TMEFF2: variants seen among roughly 807,000 people sequenced by gnomAD.
The protein encoded by TMEFF2 is transmembrane protein with EGF like and two follistatin like domains 2.
Under a neutral mutation model 53.8 loss-of-function variants are expected in TMEFF2, and 28 were observed. That is an observed-to-expected ratio of 0.52 (90% CI 0.39 to 0.71). The LOEUF (loss-of-function observed/expected upper bound fraction) is 0.71. TMEFF2 is among the 30% of genes least tolerant of loss of function. TMEFF2 has a pLI of 0.00. For synonymous variants in TMEFF2, 162 were observed against 166.3 expected (o/e 0.97, Z 0.20); for missense variants, 353 against 455.2 (o/e 0.78, Z 2.04).
At chr2:192,179,539 T>C (rs1405829381) in intron 4 of TMEFF2, 129 bp downstream of exon 4, 11 of 980,232 alleles carry the variant, frequency 1.1e-5, no homozygotes, top group African/African-American at 5.2e-5. Context: ...CAATTTTTTA[T>C]GGTTTCACCT....
At chr2:191,964,096 C>T (rs1692345644) in intron 7 of TMEFF2, among the ~76,000 whole-genome samples, 1 of 152,104 alleles carries the variant, frequency 6.6e-6, no homozygotes, top group Admixed American at 6.6e-5. Context: ...TACACGACAA[C>T]ATCTGGCCTT....
rs1305136324 is a variant in TMEFF2, at chr2:192,021,084, C to T, written c.537-21876G>A. ...ATTAAAAAGTTTAAGAATACCTAGT[C>T]CTCCCTTACATCTTAAAGAGAGACT... On this transcript the variant is annotated intron_variant, in intron 5 of 9. Coordinates refer to ENST00000272771, the MANE Select transcript of TMEFF2 (RefSeq NM_016192.4). 2.0e-5 allele frequency among the ~76,000 whole-genome samples: 3 copies of T among 152,134 alleles called. No homozygotes were observed. In the East Asian group the frequency reaches 5.8e-4, roughly 29 times the overall value.
chr2:192,076,316 T>C (rs2105921264), intron 4 of TMEFF2, among the ~76,000 whole-genome samples: 1 of 152,246 alleles, frequency 6.6e-6, no homozygotes, highest in South Asian at 2.1e-4. Flanking sequence ...TCCTTTCCTA[T>C]TATTAACAGA....
At chr2:191,970,219 T>C (rs914789043) in intron 7 of TMEFF2, among the ~76,000 whole-genome samples, 1 of 151,070 alleles carries the variant, frequency 6.6e-6, no homozygotes, top group African/African-American at 2.4e-5. Flanking sequence ...CCAGCATTAC[T>C]TTTTTTTTCT....
At chr2:192,175,212 T>G (rs769776801) in intron 4 of TMEFF2, among the ~76,000 whole-genome samples, 1 of 151,594 alleles carries the variant, frequency 6.6e-6, no homozygotes, top group African/African-American at 2.4e-5. Flanking sequence ...TATTATAAAA[T>G]CCACATTAGA....
intron 4 of TMEFF2, among the ~76,000 whole-genome samples, chr2:192,080,947 TTTTA>T (rs947034720): frequency 2.6e-4 from 39 of 152,244 alleles, no homozygotes; most frequent in African/African-American, 8.7e-4. Context: ...TCCTTTGTGC[TTTTA>T]TTTGTCGTTG....
At chr2:192,007,396 CTT>C (rs1473122069) in intron 5 of TMEFF2, among the ~76,000 whole-genome samples, 2 of 152,132 alleles carry the variant, frequency 1.3e-5, no homozygotes, top group East Asian at 3.8e-4. Context: ...CCTTAAGACT[CTT>C]TTGTTTAATG....
chr2:191,964,398 C>CTTTCTTTCCT (rs200251020), intron 7 of TMEFF2, among the ~76,000 whole-genome samples: 1 of 51,750 alleles, frequency 1.9e-5, no homozygotes, highest in East Asian at 8.8e-4. Flanking sequence ...TTCTTTCTTT[C>CTTTCTTTCCT]TCTTTCTTTC....
intron 5 of TMEFF2, among the ~76,000 whole-genome samples, chr2:192,005,931 T>C (rs1469516871): frequency 6.6e-6 from 1 of 152,042 alleles, no homozygotes; most frequent in Non-Finnish European, 1.5e-5. Context: ...CTGTGAGTTG[T>C]GAGAGAAAAT....
rs1040749918 is a variant in TMEFF2 at position 191,956,119 on chromosome 2, CAGG to C, written c.869+133_869+135del. 11 of 857,634 alleles carry C rather than the reference CAGG, an allele frequency of 1.3e-5. No homozygotes were observed. In the African/African-American group the frequency reaches 1.9e-4, roughly 15 times the overall value. 53.1% of individuals were successfully genotyped at this position (857,634 alleles called of 1,614,324 possible). A position where few individuals can be genotyped will look rare whatever the true frequency, so the allele number is the denominator to read the frequency against. ...ATGTGTGTATGTGTGTATGCATGCA[CAGG>C]AGGAGCAGAGAAAAGTTTTGTTGCT... On this transcript the variant is annotated intron_variant, in intron 8 of 9. Coordinates refer to ENST00000272771, the MANE Select transcript of TMEFF2 (RefSeq NM_016192.4).
At chr2:191,970,538 G>A (rs1483773874) in intron 7 of TMEFF2, among the ~76,000 whole-genome samples, 1 of 152,056 alleles carries the variant, frequency 6.6e-6, no homozygotes, top group Non-Finnish European at 1.5e-5. Flanking sequence ...ACCAAAAGCT[G>A]GAACAGCCCA....
intron 4 of TMEFF2, among the ~76,000 whole-genome samples, chr2:192,127,248 G>T (rs755247336): frequency 6.6e-6 from 1 of 152,128 alleles, no homozygotes; most frequent in Non-Finnish European, 1.5e-5. Flanking sequence ...TTGACCTATT[G>T]TTCATCAAGG....
At chr2:192,131,725 T>A (rs1213645581) in intron 4 of TMEFF2, among the ~76,000 whole-genome samples, 3 of 152,062 alleles carry the variant, frequency 2.0e-5, no homozygotes, top group African/African-American at 7.2e-5. Flanking sequence ...CTCCTCCTTC[T>A]CCCTTAGCCT....
chr2:192,103,507 C>A (rs1689080450), intron 4 of TMEFF2, among the ~76,000 whole-genome samples: 1 of 152,112 alleles, frequency 6.6e-6, no homozygotes, highest in African/African-American at 2.4e-5. Context: ...TTTAGTTCAA[C>A]TAGGACTTGG....
chr2:192,153,520 G>A (rs887178957), intron 4 of TMEFF2, among the ~76,000 whole-genome samples: 2 of 151,822 alleles, frequency 1.3e-5, no homozygotes, highest in Admixed American at 1.3e-4. Context: ...TACCCTGTTT[G>A]TGATAGAGCA....
At chr2:191,981,794 C>T (rs888714325) in intron 7 of TMEFF2, among the ~76,000 whole-genome samples, 52 of 152,220 alleles carry the variant, frequency 3.4e-4, no homozygotes, top group Middle Eastern at 3.4e-3. Context: ...TATCAATCCT[C>T]ATAAGGAAAT....
intron 2 of TMEFF2, among the ~76,000 whole-genome samples, chr2:192,190,972 T>C (rs987422726): frequency 8.5e-5 from 13 of 152,166 alleles, no homozygotes; most frequent in African/African-American, 2.9e-4. Flanking sequence ...TTGAGTCATA[T>C]TGTCAGATTT....
chr2:192,169,692 T>C (rs1030489141), intron 4 of TMEFF2, among the ~76,000 whole-genome samples: 8 of 152,128 alleles, frequency 5.3e-5, no homozygotes, highest in Non-Finnish European at 1.2e-4. Context: ...ACCTAAGGGC[T>C]GAAATATACT....
intron 7 of TMEFF2, among the ~76,000 whole-genome samples, chr2:191,973,861 C>G (rs958253596): frequency 1.3e-5 from 2 of 152,100 alleles, no homozygotes; most frequent in African/African-American, 4.8e-5. Flanking sequence ...TTTTTCCCCA[C>G]CTTCACTCTG....
Sources: gnomAD v4.1 joint callset for allele counts (sites outside exome capture counted in the v4.1 genomes callset) on GRCh38, gnomAD v4.1.1 for gene constraint, MANE v1.5 for transcripts, NCBI Gene and HGNC (gene_info 2026-07-23, HGNC 2026-07-21) for gene names.